Variants in ZNF385B observed in about 807,000 individuals in gnomAD.
The protein encoded by ZNF385B is zinc finger protein 533.
A neutral mutation model predicts 39.2 loss-of-function variants in ZNF385B; 23 were observed. That is an observed-to-expected ratio of 0.59 (90% CI 0.42 to 0.83). The LOEUF is 0.83. ZNF385B is among the 40% of genes least tolerant of loss of function. The pLI is 0.00. For synonymous variants in ZNF385B, 205 were observed against 222.6 expected, an observed-to-expected ratio of 0.92 and a Z score of 0.70; for missense variants, 552 against 598.9, an observed-to-expected ratio of 0.92 and a Z score of 0.82.
chr2:179,648,200 T>C (rs1575083578), intron 3 of ZNF385B, among the ~76,000 whole-genome samples: 1 of 151,908 alleles, frequency 6.6e-6, no homozygotes, highest in African/African-American at 2.4e-5. Flanking sequence ...AAGAGTAGGG[T>C]GCTGGCAGCC....
intron 3 of ZNF385B, among the ~76,000 whole-genome samples, chr2:179,744,343 C>T (rs960309959): frequency 2.0e-5 from 3 of 149,496 alleles, no homozygotes; most frequent in African/African-American, 7.4e-5. Context: ...ATAGAGACGC[C>T]TTAGCAGAAG....
intron 3 of ZNF385B, among the ~76,000 whole-genome samples, chr2:179,613,746 C>T (rs1282145407): frequency 1.3e-5 from 2 of 152,110 alleles, no homozygotes; most frequent in Non-Finnish European, 2.9e-5. Context: ...CAAGCACTTC[C>T]TTGGCCAACC....
chr2:179,848,444 A>G (rs994572920), intron 1 of ZNF385B, among the ~76,000 whole-genome samples: 1 of 152,234 alleles, frequency 6.6e-6, no homozygotes, highest in African/African-American at 2.4e-5. Context: ...TTTAATAAGA[A>G]TGCTACTACT....
At chr2:179,823,411 T>C (rs1390619125) in intron 1 of ZNF385B, among the ~76,000 whole-genome samples, 1 of 152,142 alleles carries the variant, frequency 6.6e-6, no homozygotes, top group African/African-American at 2.4e-5. Context: ...CTGAGCTCAT[T>C]TATAAATCCT....
At chr2:179,848,420 A>G (rs771005425) in intron 1 of ZNF385B, among the ~76,000 whole-genome samples, 49 of 152,346 alleles carry the variant, frequency 3.2e-4, no homozygotes, top group Non-Finnish European at 6.3e-4. Flanking sequence ...CAACACACTT[A>G]AAGATGAAAT....
intron 3 of ZNF385B, among the ~76,000 whole-genome samples, chr2:179,748,871 T>C (rs1441632704): frequency 6.6e-6 from 1 of 152,086 alleles, no homozygotes; most frequent in Non-Finnish European, 1.5e-5. Flanking sequence ...ATTTCCTGGG[T>C]GCCTTTTGGG....
intron 3 of ZNF385B, among the ~76,000 whole-genome samples, chr2:179,690,292 G>T (rs932116): frequency 3.9e-5 from 6 of 152,100 alleles, no homozygotes; most frequent in Non-Finnish European, 7.3e-5. Flanking sequence ...ATGTGAACTC[G>T]GAGCTAGCTT....
At chr2:179,788,879 A>G (rs1705162854) in intron 1 of ZNF385B, among the ~76,000 whole-genome samples, 1 of 152,174 alleles carries the variant, frequency 6.6e-6, no homozygotes, top group African/African-American at 2.4e-5. Context: ...TTGATGTGAA[A>G]TAGAGAAGGC....
At position 179,861,442 on chromosome 2, in the gene ZNF385B, C is replaced by G. The variant is rs1336424959; in HGVS notation, c.-496G>C. 2.0e-5 allele frequency: 3 copies of G among 151,428 alleles called. No homozygotes were observed. The highest frequency in any genetic ancestry group is 7.3e-5 in the African/African-American group (3 of 41,376). The allele number at this position is 151,428 out of a possible 1,614,324, so 9.4% of individuals were successfully genotyped here. A position where few individuals can be genotyped will look rare whatever the true frequency, so the allele number is the denominator to read the frequency against. ...CGGAGCCCGCTGGGCGCGCCCGGCC[C>G]GGCCCGGCCCCGCCGCACGCCCGCC... On this transcript the variant is annotated 5_prime_UTR_variant, in exon 1 of 10. Transcript: ENST00000410066.
chr2:179,695,577 G>T (rs1606817), intron 3 of ZNF385B, among the ~76,000 whole-genome samples: 137,627 of 152,230 alleles, frequency 0.9, 62,419 homozygotes, highest in South Asian at 0.94. Context: ...TATATAAAAG[G>T]CCAAAAAGCA....
intron 5 of ZNF385B, among the ~76,000 whole-genome samples, chr2:179,497,140 G>T (rs1180374509): frequency 6.6e-6 from 1 of 152,280 alleles, no homozygotes. Context: ...GACCTATTCT[G>T]TAAGAAATGC....
chr2:179,796,992 TG>T (rs1244857484), intron 1 of ZNF385B, among the ~76,000 whole-genome samples: 3 of 152,190 alleles, frequency 2.0e-5, no homozygotes, highest in Non-Finnish European at 4.4e-5. Flanking sequence ...AGCAACTGTC[TG>T]GCACATACTT....
intron 3 of ZNF385B, among the ~76,000 whole-genome samples, chr2:179,763,856 C>T (rs553118728): frequency 1.8e-4 from 27 of 152,156 alleles, no homozygotes; most frequent in Admixed American, 5.2e-4. Flanking sequence ...TTCCTTCAAA[C>T]GCATTAAGGT....
chr2:179,506,527 T>C (rs1482804428), intron 5 of ZNF385B, among the ~76,000 whole-genome samples: 2 of 152,156 alleles, frequency 1.3e-5, no homozygotes, highest in African/African-American at 4.8e-5. Context: ...TATTGTATAA[T>C]TTTGATTGTA....
intron 3 of ZNF385B, among the ~76,000 whole-genome samples, chr2:179,766,664 T>A (rs2106497976): frequency 6.6e-6 from 1 of 152,294 alleles, no homozygotes; most frequent in Non-Finnish European, 1.5e-5. Context: ...ATCAGTCATA[T>A]TGGATTACAG....
intron 3 of ZNF385B, among the ~76,000 whole-genome samples, chr2:179,764,862 G>A (rs1360776463): frequency 2.6e-5 from 4 of 152,134 alleles, no homozygotes; most frequent in African/African-American, 7.2e-5. Flanking sequence ...ACATTATTCT[G>A]CGTATTTCTT....
chr2:179,819,397 C>G (rs1013269974), intron 1 of ZNF385B, among the ~76,000 whole-genome samples: 2 of 152,114 alleles, frequency 1.3e-5, no homozygotes, highest in Non-Finnish European at 2.9e-5. Flanking sequence ...TCCCCCTCTA[C>G]CACATCATCC....
intron 3 of ZNF385B, among the ~76,000 whole-genome samples, chr2:179,741,016 A>G (rs1459606715): frequency 6.6e-6 from 1 of 152,176 alleles, no homozygotes; most frequent in Non-Finnish European, 1.5e-5. Flanking sequence ...CATTTAATTC[A>G]AAGAAGATAT....
chr2:179,784,294 C>T (rs767006798), intron 1 of ZNF385B, among the ~76,000 whole-genome samples: 4 of 151,850 alleles, frequency 2.6e-5, no homozygotes, highest in Non-Finnish European at 5.9e-5. Context: ...AACAAGGAAA[C>T]AGCAGACACT....
Sources: allele counts gnomAD v4.1 joint callset (sites outside exome capture counted in the v4.1 genomes callset), GRCh38; gene constraint gnomAD v4.1.1; transcripts MANE v1.5; gene names NCBI Gene and HGNC (gene_info 2026-07-23, HGNC 2026-07-21).